The following SYTL1 variants were observed in gnomAD, a reference collection of about 807,000 sequenced individuals.
SYTL1 encodes synaptotagmin like 1.
SYTL1 carries 53 observed loss-of-function variants against 74.6 expected under a neutral mutation model. The observed-to-expected ratio is 0.71, with a 90% confidence interval of 0.57 to 0.89. The LOEUF is 0.89. SYTL1 is among the 40% of genes least tolerant of loss of function. The pLI is 0.00. For synonymous variants in SYTL1, 329 were observed against 324.9 expected (o/e 1.01, Z -0.14); for missense variants, 728 against 768.7 (o/e 0.95, Z 0.63).
rs370606739 is a variant in SYTL1 at position 27,347,885 on chromosome 1, G to C, written c.413+5G>C. Reference sequence around the variant, plus strand: ...GGAAGAGGGGCCAGAGCCCAGGTGAGGAGGAGTCTCAGGAAGGGGGAGATG... The same window carrying C: ...GGAAGAGGGGCCAGAGCCCAGGTGACGAGGAGTCTCAGGAAGGGGGAGATG... On this transcript the variant is annotated splice_donor_5th_base_variant and intron_variant, in intron 4 of 14. Coordinates refer to ENST00000616558, the MANE Select transcript of SYTL1 (RefSeq NM_001193308.2). The surrounding 1 kb of genome is among the most constrained non-coding windows in gnomAD (Gnocchi z 4.9). The C allele has an allele frequency of 7.6e-5, 123 of 1,614,184 alleles. No homozygotes were observed. In the African/African-American group the frequency reaches 1.6e-3, roughly 21 times the overall value.
In SYTL1 at chr1:27,350,048, A is replaced by G; in HGVS notation, c.824A>G (p.His275Arg). Residue 275 changes from histidine (H) to arginine (R), a missense_variant, in exon 9 of 15, where the codon CAC becomes CGC. Coordinates refer to ENST00000616558, the MANE Select transcript of SYTL1 (RefSeq NM_001193308.2). The surrounding 1 kb of genome is among the most constrained non-coding windows in gnomAD (Gnocchi z 6.3). ...QVRGSVHFAL[H>R]YEPGAAELRV... The stretch of plus-strand genomic sequence containing the variant: ...CGCGGCTCCGTGCACTTCGCGCTGC[A>G]CTACGAGCCGGGCGCCGCCGAGCTG... 1 of 1,522,390 alleles carries G rather than the reference A, an allele frequency of 6.6e-7. No individual in the cohort carries two copies. The allele number at this position is 1,522,390 out of a possible 1,614,324, so 94.3% of individuals were successfully genotyped here.
At position 27,345,318 on chromosome 1, in the gene SYTL1, G is replaced by A. The variant is rs886728538; in HGVS notation, c.-17G>A. 3 of 1,465,222 alleles carry A rather than the reference G, an allele frequency of 2.0e-6. No homozygotes were observed. Among genetic ancestry groups the A allele is most frequent in the South Asian group, 1.4e-5 (1 of 72,944 alleles). 90.8% of individuals were successfully genotyped at this position (1,465,222 alleles called of 1,614,324 possible). A position where few individuals can be genotyped will look rare whatever the true frequency, so the allele number is the denominator to read the frequency against. On this transcript the variant is annotated 5_prime_UTR_variant, in exon 2 of 15. Transcript: ENST00000616558. The surrounding 1 kb of genome is among the most constrained non-coding windows in gnomAD (Gnocchi z 6.0). ...CCAGGAAGCTCCGTGTGCCCAGCTGGGGCACAGCCCCAGCTGATGCCCCAG... is the reference window on the plus strand; with the variant it reads ...CCAGGAAGCTCCGTGTGCCCAGCTGAGGCACAGCCCCAGCTGATGCCCCAG...
chr1:27,353,453 G>T lies in SYTL1; in HGVS notation c.1514G>T (p.Arg505Leu). The T allele has an allele frequency of 6.2e-7, 1 of 1,608,098 alleles. No individual in the cohort carries two copies. Among genetic ancestry groups the T allele is most frequent in the Non-Finnish European group, 8.5e-7 (1 of 1,177,956 alleles). The change falls in exon 14 of 15, where the codon CGC (arginine) becomes CTC (leucine). Residue 505 changes from arginine (R) to leucine (L), a missense_variant. Coordinates refer to ENST00000616558, the MANE Select transcript of SYTL1 (RefSeq NM_001193308.2). ...SLWDHGALAN[R>L]QLGGTRLSLG... ...TGGGACCATGGGGCCCTGGCCAACC[G>T]CCAGCTGGGGGGCACACGCCTCAGC...
rs1168918546 is a variant in SYTL1 at position 27,353,044 on chromosome 1, C to A, written c.1344-239C>A. On this transcript the variant is annotated intron_variant, in intron 13 of 14. Transcript: ENST00000616558. The stretch of plus-strand genomic sequence containing the variant: ...CAGGTGATCCACCCACCTCGGCCTC[C>A]CAAAGTGCTGGGATTACAGGCGTGA... 1.5e-5 allele frequency: 8 copies of A among 532,356 alleles called. No homozygotes were observed. In the East Asian group the frequency reaches 2.0e-4, roughly 13 times the overall value. The allele number at this position is 532,356 out of a possible 1,614,324, so 33.0% of individuals were successfully genotyped here.
At position 27,351,478 on chromosome 1, in the gene SYTL1, G is replaced by A. The variant is rs1390060139; in HGVS notation, c.1266G>A (p.Gly422=). 19 of 1,546,720 alleles carry A rather than the reference G, an allele frequency of 1.2e-5. No homozygotes were observed. The highest frequency in any genetic ancestry group is 1.6e-5 in the Non-Finnish European group (18 of 1,145,188). Residue 422 remains glycine (G), a synonymous_variant, in exon 13 of 15, where the codon GGG becomes GGA. Transcript: ENST00000616558. This position sits in a 1 kb window ranked among gnomAD's most constrained non-coding sequence, Gnocchi z 5.0. The part of the protein sequence containing the change: ...GSEGAGLPPS[G]ELHFWVKEAR... ...CAGGCGCAGGACTGCCCCCGAGCGG[G>A]GAGCTGCACTTCTGGGTGAAGGAGG...
Position 27,348,929 on chromosome 1 carries a change from T to G in SYTL1, c.460-151T>G. On this transcript the variant is annotated intron_variant, in intron 5 of 14. Transcript: ENST00000616558. The surrounding 1 kb of genome is among the most constrained non-coding windows in gnomAD (Gnocchi z 4.1). ...TGTGAAGCACTGGTCTCACCGCTCC[T>G]GCAGCTGGCTGCCAGCCCTGCCCGG... 1.6e-6 allele frequency: 1 copy of G among 630,590 alleles called. No individual in the cohort carries two copies. Among genetic ancestry groups the G allele is most frequent in the East Asian group, 2.8e-5 (1 of 36,012 alleles). The allele number at this position is 630,590 out of a possible 1,614,324, so 39.1% of individuals were successfully genotyped here.
rs1002981526 is a variant in SYTL1 at position 27,348,214 on chromosome 1, G to A, written c.459+202G>A. On this transcript the variant is annotated intron_variant, in intron 5 of 14. Coordinates refer to ENST00000616558, the MANE Select transcript of SYTL1 (RefSeq NM_001193308.2). The surrounding 1 kb of genome is among the most constrained non-coding windows in gnomAD (Gnocchi z 4.1). The stretch of plus-strand genomic sequence containing the variant: ...TGAATGGTGGTAAACAGTGGTGAAC[G>A]GTGGTGAACAGTGAGTGGTATATGG... Among the ~76,000 whole-genome samples the A allele has an allele frequency of 4.6e-5, 7 of 152,130 alleles. No individual in the cohort carries two copies. Among genetic ancestry groups the A allele is most frequent in the African/African-American group, 1.2e-4 (5 of 41,404 alleles).
At chr1:27,349,270 G>T (rs894807128) in intron 6 of SYTL1, 118 bp downstream of exon 6, 98 of 1,484,372 alleles carry the variant, frequency 6.6e-5, no homozygotes, top group Non-Finnish European at 8.5e-5. Flanking sequence ...CGCGTCGGAG[G>T]TGGGGACGAT....
chr1:27,349,344 T>C, intron 6 of SYTL1, 54 bp from the exon 7 acceptor site: 1 of 1,446,720 alleles, frequency 6.9e-7, no homozygotes, highest in Non-Finnish European at 9.1e-7. Flanking sequence ...TCCTACAAAT[T>C]TGCTTAGGGG....
chr1:27,346,022 C>G lies in SYTL1; in HGVS notation c.191+497C>G, dbSNP rs1011464521. 2.0e-5 allele frequency among the ~76,000 whole-genome samples: 3 copies of G among 152,268 alleles called. No homozygotes were observed. In the South Asian group the frequency reaches 6.2e-4, roughly 32 times the overall value. On this transcript the variant is annotated intron_variant, in intron 2 of 14. Coordinates refer to ENST00000616558, the MANE Select transcript of SYTL1 (RefSeq NM_001193308.2). ...TCTTGAACCTCTGATCTCAGATGAT[C>G]CACCCGCCTCAGCCTCCCAAAGTGC... is the stretch of plus-strand genomic sequence containing the variant.
chr1:27,353,368 A>G lies in SYTL1; in HGVS notation c.1429A>G (p.Met477Val). 6.2e-7 allele frequency: 1 copy of G among 1,611,496 alleles called. No homozygotes were observed. The highest frequency in any genetic ancestry group is 8.5e-7 in the Non-Finnish European group (1 of 1,179,212). ...CCTCAGCCCTGTGTTCAATCACACC[A>G]TGGTGTACGATGGCTTTGGGCCTGC... Reference protein sequence around the residue: ...RSLSPVFNHTMVYDGFGPADL... With the variant: ...RSLSPVFNHTVVYDGFGPADL... Residue 477 changes from methionine (M) to valine (V), a missense_variant, in exon 14 of 15, where the codon ATG becomes GTG. Transcript: ENST00000616558.
chr1:27,347,584 T>G lies in SYTL1; in HGVS notation c.340+15T>G. On this transcript the variant is annotated intron_variant, in intron 3 of 14. Coordinates refer to ENST00000616558, the MANE Select transcript of SYTL1 (RefSeq NM_001193308.2). This position sits in a 1 kb window ranked among gnomAD's most constrained non-coding sequence, Gnocchi z 4.9. The stretch of plus-strand genomic sequence containing the variant: ...GAGCACCAGGGGTGAGAGGAGATCC[T>G]CGGGGCAGGGCAAGCCATGTGCCGT... 1 of 1,612,892 alleles carries G rather than the reference T, an allele frequency of 6.2e-7. No individual in the cohort carries two copies. The highest frequency in any genetic ancestry group is 8.5e-7 in the Non-Finnish European group (1 of 1,179,484).
rs1054438052 is a variant in SYTL1 at position 27,350,531 on chromosome 1, C to A, written c.1005+46C>A. 6.6e-7 allele frequency: 1 copy of A among 1,514,908 alleles called. No homozygotes were observed. The highest frequency in any genetic ancestry group is 9.1e-7 in the Non-Finnish European group (1 of 1,099,668). 93.8% of individuals were successfully genotyped at this position (1,514,908 alleles called of 1,614,324 possible). On this transcript the variant is annotated intron_variant, in intron 10 of 14. Coordinates refer to ENST00000616558, the MANE Select transcript of SYTL1 (RefSeq NM_001193308.2). The surrounding 1 kb of genome is among the most constrained non-coding windows in gnomAD (Gnocchi z 6.3). ...CGGTTCCCCGTTAATGAACTGGACG[C>A]CCCCTTCCTGCGGGGCTAGGTGGCA...
Position 27,349,456 on chromosome 1 carries a change from C to T in SYTL1, c.591C>T (p.Pro197=). ...CAEEADPELE[P]ASGGEQEPRP... ...AGGAGGCTGACCCGGAGCTGGAGCC[C>T]GCGTCGGGGGGAGAGCAGGAGCCGC... The change falls in exon 7 of 15, where the codon CCC becomes CCT. Residue 197 remains proline, a synonymous_variant. Coordinates refer to ENST00000616558, the MANE Select transcript of SYTL1 (RefSeq NM_001193308.2). 1.4e-6 allele frequency: 2 copies of T among 1,453,342 alleles called. No homozygotes were observed. Among genetic ancestry groups the T allele is most frequent in the Non-Finnish European group, 1.8e-6 (2 of 1,102,332 alleles). The allele number at this position is 1,453,342 out of a possible 1,614,324, so 90.0% of individuals were successfully genotyped here. A position where few individuals can be genotyped will look rare whatever the true frequency, so the allele number is the denominator to read the frequency against.
rs2014799969 is a variant in SYTL1 at position 27,342,182 on chromosome 1, A to C, written c.-39+32A>C. On this transcript the variant is annotated intron_variant, in intron 1 of 14. Coordinates refer to ENST00000616558, the MANE Select transcript of SYTL1 (RefSeq NM_001193308.2). This position sits in a 1 kb window ranked among gnomAD's most constrained non-coding sequence, Gnocchi z 4.7. Reference sequence around the variant, plus strand: ...CGTGTCGGTGCCAGGGTCCCCTGCCAGGGTCCAGAGACGCAGGCACTGCCA... The same window carrying C: ...CGTGTCGGTGCCAGGGTCCCCTGCCCGGGTCCAGAGACGCAGGCACTGCCA... 4.9e-6 allele frequency: 1 copy of C among 202,226 alleles called. No homozygotes were observed. The highest frequency in any genetic ancestry group is 2.4e-5 in the African/African-American group (1 of 42,310). The allele number at this position is 202,226 out of a possible 1,614,324, so 12.5% of individuals were successfully genotyped here.
rs771479895 is a variant in SYTL1 at position 27,351,535 on chromosome 1, C to T, written c.1323C>T (p.Ser441=). The change falls in exon 13 of 15, where the codon TCC becomes TCT. Residue 441 remains serine, a synonymous_variant. Transcript: ENST00000616558. The surrounding 1 kb of genome is among the most constrained non-coding windows in gnomAD (Gnocchi z 5.0). ...ACCTCCTGCCGCTGCGGGCAGGATC[C>T]CTGGACACTTACGTACAATGGTGAG... The part of the protein sequence containing the change: ...ARDLLPLRAG[S]LDTYVQCFVL... 6.5e-7 allele frequency: 1 copy of T among 1,548,030 alleles called. No individual in the cohort carries two copies. Among genetic ancestry groups the T allele is most frequent in the East Asian group, 2.4e-5 (1 of 40,900 alleles).
Position 27,349,660 on chromosome 1 carries a change from C to A in SYTL1, c.642C>A (p.Ala214=), listed in dbSNP as rs2015160378. The A allele has an allele frequency of 6.2e-6, 10 of 1,608,374 alleles. No homozygotes were observed. In the Admixed American group the frequency reaches 1.0e-4, roughly 16 times the overall value. The change falls in exon 8 of 15, where the codon GCC becomes GCA. Residue 214 remains alanine (A), a synonymous_variant. Transcript: ENST00000616558. ...ACTTGCCCCCTCTGCAGACCAAGGC[C>A]GCGTCCCAGATCCTGGAGAATGGGG... The part of the protein sequence containing the change: ...EPRPQQAQTK[A]ASQILENGEE...
In SYTL1 at chr1:27,353,404, C is replaced by T. The variant is rs763586505; in HGVS notation, c.1465C>T (p.Gln489Ter). Reference sequence around the variant, plus strand: ...TGGCTTTGGGCCTGCTGACCTGCGCCAGGCTTGTGCCGAGCTCTCCCTCTG... The same window carrying T: ...TGGCTTTGGGCCTGCTGACCTGCGCTAGGCTTGTGCCGAGCTCTCCCTCTG... ...YDGFGPADLR[Q>*]ACAELSLWDH... Residue 489 changes from glutamine to a stop codon, truncating the protein, a stop_gained, in exon 14 of 15, where the codon CAG (glutamine) becomes TAG (stop). Transcript: ENST00000616558. LOFTEE classifies it high-confidence loss of function. 5.6e-6 allele frequency: 9 copies of T among 1,611,500 alleles called. No homozygotes were observed. The highest frequency in any genetic ancestry group is 7.6e-6 in the Non-Finnish European group (9 of 1,179,298).
At position 27,343,959 on chromosome 1, in the gene SYTL1, A is replaced by G. The variant is rs1182908064; in HGVS notation, c.-38-1338A>G. ...TTTGTTAGTTTTTGTTTTGAGACGG[A>G]GTCTCACTCTTGCCCAGGCTGGAGT... On this transcript the variant is annotated intron_variant, in intron 1 of 14. Transcript: ENST00000616558. This position sits in a 1 kb window ranked among gnomAD's most constrained non-coding sequence, Gnocchi z 5.2. Among the ~76,000 whole-genome samples, 1 of 152,074 alleles carries G rather than the reference A, an allele frequency of 6.6e-6. No homozygotes were observed. Among genetic ancestry groups the G allele is most frequent in the Non-Finnish European group, 1.5e-5 (1 of 68,018 alleles).
Sources: gnomAD v4.1 joint callset for allele counts (sites outside exome capture counted in the v4.1 genomes callset) on GRCh38, gnomAD v4.1.1 for gene constraint, Gnocchi (gnomAD v3.1) non-coding constraint, MANE v1.5 for transcripts, NCBI Gene and HGNC (gene_info 2026-07-23, HGNC 2026-07-21) for gene names.